EMX1: variants seen among roughly 807,000 people sequenced by gnomAD.
EMX1 encodes empty spiracles homeobox 1, also known as homeobox protein EMX1.
In EMX1, 10 loss-of-function variants were observed where a neutral mutation model predicts 20.1. The ratio of observed to expected loss-of-function variants is 0.50; its 90% CI spans 0.31 to 0.84. The LOEUF (loss-of-function observed/expected upper bound fraction) is 0.84. Ranked by LOEUF, EMX1 falls within the 40% of genes least tolerant of loss-of-function variation. The pLI is 0.05. For synonymous variants in EMX1, 250 were observed against 200.4 expected (o/e 1.25, Z -2.09); for missense variants, 424 against 431.9 (o/e 0.98, Z 0.16).
chr2:72,933,572 G>A (rs1671317517), intron 2 of EMX1: 1 of 581,786 alleles, frequency 1.7e-6, no homozygotes, highest in South Asian at 2.2e-5. Flanking sequence ...CTTCTCTCTG[G>A]CCCACTGTGT....
rs1671323982 is a variant in EMX1 at position 72,933,893 on chromosome 2, G to A, written c.812G>A (p.Arg271Gln). 13 of 1,614,252 alleles carry A rather than the reference G, an allele frequency of 8.1e-6. No homozygotes were observed. The highest frequency in any genetic ancestry group is 1.6e-4 in the Middle Eastern group (1 of 6,062). ...AAGAAGGGCTCCCATCACATCAACC[G>A]GTGGCGCATTGCCACGAAGCAGGCC... The part of the protein sequence containing the change: ...QKKKGSHHIN[R>Q]WRIATKQANG... Residue 271 changes from arginine to glutamine, a missense_variant, in exon 3 of 3, where the codon CGG (arginine) becomes CAG (glutamine). Arg to Gln is a conservative substitution (Grantham distance 43, BLOSUM62 1). Around this residue, in one of 2 missense-constraint regions of EMX1, gnomAD observed 91 missense variants for 135.2 expected, o/e 0.67. Coordinates refer to ENST00000258106, the MANE Select transcript of EMX1 (RefSeq NM_004097.3).
In EMX1 at chr2:72,934,731, T is replaced by C. The variant is rs1015284866; in HGVS notation, c.*777T>C. On this transcript the variant is annotated 3_prime_UTR_variant, in exon 3 of 3. Coordinates refer to ENST00000258106, the MANE Select transcript of EMX1 (RefSeq NM_004097.3). ...GGAGAAACCAGAGGAAAGGGGAGGA[T>C]TGGGGTCTGGGGGAGGGAACACCAT... 1.3e-5 allele frequency: 2 copies of C among 152,032 alleles called. No individual in the cohort carries two copies. Among genetic ancestry groups the C allele is most frequent in the East Asian group, 1.9e-4 (1 of 5,174 alleles). 9.4% of individuals were successfully genotyped at this position (152,032 alleles called of 1,614,324 possible).
At chr2:72,926,586 A>G (rs1573898822) in intron 2 of EMX1, among the ~76,000 whole-genome samples, 1 of 152,206 alleles carries the variant, frequency 6.6e-6, no homozygotes, top group Non-Finnish European at 1.5e-5. Flanking sequence ...GATTTTAAAT[A>G]CCTGCCTCCC....
At chr2:72,932,652 G>A (rs1368136399) in intron 2 of EMX1, among the ~76,000 whole-genome samples, 1 of 152,124 alleles carries the variant, frequency 6.6e-6, no homozygotes, top group Non-Finnish European at 1.5e-5. Flanking sequence ...AGATGCTGGA[G>A]GAGGAGGGAA....
rs1670991979 is a variant in EMX1, at chr2:72,917,705, C to T, written c.-148C>T. The stretch of plus-strand genomic sequence containing the variant: ...GGGCGCCTGGAGCTGCCCGCTCCGC[C>T]GCAGCAGCCGCCGCGCCTGGCCGTA... On this transcript the variant is annotated 5_prime_UTR_variant, in exon 1 of 3. Transcript: ENST00000258106. 2.7e-6 allele frequency: 2 copies of T among 745,880 alleles called. No individual in the cohort carries two copies. The highest frequency in any genetic ancestry group is 6.6e-5 in the South Asian group (1 of 15,100). The allele number at this position is 745,880 out of a possible 1,614,324, so 46.2% of individuals were successfully genotyped here.
At chr2:72,925,415 T>C (rs958360713) in intron 2 of EMX1, 2 of 1,277,864 alleles carry the variant, frequency 1.6e-6, no homozygotes, top group African/African-American at 3.1e-5. Flanking sequence ...CTGGGATCAC[T>C]GCATAAGCTC....
rs1049074121 is a variant in EMX1 at position 72,934,168 on chromosome 2, A to AGCCT, written c.*224_*227dup. 4.6e-6 allele frequency: 3 copies of AGCCT among 655,890 alleles called. No individual in the cohort carries two copies. In the Admixed American group the frequency reaches 1.0e-4, roughly 22 times the overall value. 40.6% of individuals were successfully genotyped at this position (655,890 alleles called of 1,614,324 possible). A position where few individuals can be genotyped will look rare whatever the true frequency, so the allele number is the denominator to read the frequency against. On this transcript the variant is annotated 3_prime_UTR_variant, in exon 3 of 3. Coordinates refer to ENST00000258106, the MANE Select transcript of EMX1 (RefSeq NM_004097.3). ...GGACCACTTGGCCTTCTCCTCGGAG[A>AGCCT]GCCTGCCTGCCTGGGCGGGCCCGCC...
rs2105266031 is a variant in EMX1 at position 72,924,206 on chromosome 2, C to T, written c.521-103C>T. ...GTCAAGGAATGGAGAGGGCAGGGCG[C>T]TTGGGAGCAGGGCGCGAGGCCAGGC... On this transcript the variant is annotated intron_variant, in intron 1 of 2. Coordinates refer to ENST00000258106, the MANE Select transcript of EMX1 (RefSeq NM_004097.3). 3.5e-6 allele frequency: 5 copies of T among 1,435,798 alleles called. No individual in the cohort carries two copies. The South Asian group carries it at 3.7e-5, about 11-fold the overall frequency. 88.9% of individuals were successfully genotyped at this position (1,435,798 alleles called of 1,614,324 possible). A position where few individuals can be genotyped will look rare whatever the true frequency, so the allele number is the denominator to read the frequency against.
At chr2:72,918,964 CCT>C (rs1213381527) in intron 1 of EMX1, among the ~76,000 whole-genome samples, 1 of 152,230 alleles carries the variant, frequency 6.6e-6, no homozygotes, top group African/African-American at 2.4e-5. Context: ...GTCACACGTG[CCT>C]CTCCTACCCA....
chr2:72,931,538 C>T (rs1025314310), intron 2 of EMX1, among the ~76,000 whole-genome samples: 1 of 152,122 alleles, frequency 6.6e-6, no homozygotes, highest in African/African-American at 2.4e-5. Flanking sequence ...TAGCAGGCTC[C>T]AGGGTGGGGG....
chr2:72,924,850 G>A (rs1259949142), intron 2 of EMX1, among the ~76,000 whole-genome samples: 2 of 152,232 alleles, frequency 1.3e-5, no homozygotes, highest in Non-Finnish European at 2.9e-5. Context: ...GGCCACTGGA[G>A]CTGGCTCCAG....
Position 72,934,125 on chromosome 2 carries a change from T to A in EMX1, c.*171T>A. 1.0e-6 allele frequency: 1 copy of A among 974,484 alleles called. No individual in the cohort carries two copies. Among genetic ancestry groups the A allele is most frequent in the Non-Finnish European group, 1.5e-6 (1 of 686,302 alleles). The allele number at this position is 974,484 out of a possible 1,614,324, so 60.4% of individuals were successfully genotyped here. On this transcript the variant is annotated 3_prime_UTR_variant, in exon 3 of 3. Coordinates refer to ENST00000258106, the MANE Select transcript of EMX1 (RefSeq NM_004097.3). ...CCGCCATTGACAGAGGGACAAGCAA[T>A]GGGCTGGCTGAGGCCTGGGACCACT...
At chr2:72,923,369 G>T (rs1403171198) in intron 1 of EMX1, 1 of 152,206 alleles carries the variant, frequency 6.6e-6, no homozygotes, top group Non-Finnish European at 1.5e-5. Context: ...TAGAGAGAAA[G>T]ATGACATCTA....
At chr2:72,926,578 T>C (rs927000259) in intron 2 of EMX1, among the ~76,000 whole-genome samples, 2 of 152,192 alleles carry the variant, frequency 1.3e-5, no homozygotes. Context: ...GCAAACACGA[T>C]TTTAAATACC....
At chr2:72,916,813 G>A (rs1237431495), upstream of EMX1, 1 of 717,268 alleles carries the variant, frequency 1.4e-6, no homozygotes, top group Non-Finnish European at 2.6e-6. Context: ...TCCCAGTGCC[G>A]AGGCCCGCCG....
chr2:72,921,579 C>G (rs887938685), intron 1 of EMX1, among the ~76,000 whole-genome samples: 1 of 152,214 alleles, frequency 6.6e-6, no homozygotes, highest in Non-Finnish European at 1.5e-5. Context: ...TGGTGTTGTA[C>G]TAAACATCCT....
At chr2:72,925,340 A>T in intron 2 of EMX1, 1 of 1,137,158 alleles carries the variant, frequency 8.8e-7, no homozygotes, top group South Asian at 1.7e-5. Context: ...AAAGAATTAG[A>T]TGAAAGTTAT....
chr2:72,921,191 G>T (rs902168488), intron 1 of EMX1, among the ~76,000 whole-genome samples: 4 of 152,216 alleles, frequency 2.6e-5, no homozygotes, highest in African/African-American at 7.2e-5. Flanking sequence ...CTAGTTCCCA[G>T]CCATTGCCTT....
chr2:72,931,425 G>A (rs1437992929), intron 2 of EMX1, among the ~76,000 whole-genome samples: 2 of 152,230 alleles, frequency 1.3e-5, no homozygotes, highest in Non-Finnish European at 2.9e-5. Context: ...CCTTCGGCCA[G>A]CCCACTTGGG....
Sources: allele counts gnomAD v4.1 joint callset (sites outside exome capture counted in the v4.1 genomes callset), GRCh38; gene constraint gnomAD v4.1.1; regional missense constraint gnomAD v4.1.1; transcripts MANE v1.5; gene names NCBI Gene and HGNC (gene_info 2026-07-23, HGNC 2026-07-21).